GLDC: variants seen among roughly 807,000 people sequenced by gnomAD.
GLDC encodes glycine decarboxylase, also known as glycine dehydrogenase (decarboxylating), mitochondrial.
GLDC carries 104 observed loss-of-function variants against 121.3 expected under a neutral mutation model. That is an observed-to-expected ratio of 0.86 (90% CI 0.73 to 1.01). The LOEUF (loss-of-function observed/expected upper bound fraction) is 1.01. GLDC is among the 50% of genes least tolerant of loss of function. The pLI is 0.00. For synonymous variants in GLDC, 546 were observed against 480.6 expected (o/e 1.14, Z -1.78); for missense variants, 1,429 against 1,306.6 (o/e 1.09, Z -1.44).
intron 15 of GLDC, among the ~76,000 whole-genome samples, chr9:6,581,501 C>T (rs191843228): frequency 1.2e-3 from 184 of 152,342 alleles, no homozygotes; most frequent in African/African-American, 3.9e-3. Context: ...GGCATAGTGG[C>T]GTCTCTGACA....
At chr9:6,576,937 A>G (rs1184120870) in intron 15 of GLDC, among the ~76,000 whole-genome samples, 1 of 152,232 alleles carries the variant, frequency 6.6e-6, no homozygotes, top group Non-Finnish European at 1.5e-5. Flanking sequence ...GCCACATAAC[A>G]GAGCCTTAAA....
intron 3 of GLDC, among the ~76,000 whole-genome samples, chr9:6,612,860 T>G (rs2129926129): frequency 6.6e-6 from 1 of 151,500 alleles, no homozygotes; most frequent in South Asian, 2.1e-4. Flanking sequence ...AGACTCCATC[T>G]CAAAAAACAA....
At chr9:6,560,887 G>T (rs1817742380) in intron 16 of GLDC, among the ~76,000 whole-genome samples, 1 of 152,186 alleles carries the variant, frequency 6.6e-6, no homozygotes, top group South Asian at 2.1e-4. Flanking sequence ...TTTGGGCTGG[G>T]CCCTAAATAT....
At chr9:6,604,025 G>A (rs932484399) in intron 7 of GLDC, among the ~76,000 whole-genome samples, 15 of 151,892 alleles carry the variant, frequency 9.9e-5, no homozygotes, top group Non-Finnish European at 2.2e-4. Context: ...ACCGCACCCA[G>A]CCCTTTTTTT....
chr9:6,537,429 G>C (rs758427367), intron 22 of GLDC, among the ~76,000 whole-genome samples: 1 of 152,136 alleles, frequency 6.6e-6, no homozygotes, highest in Non-Finnish European at 1.5e-5. Context: ...TTATTACATG[G>C]AGTACTTTAA....
At chr9:6,551,641 G>GAAGA (rs1250160515) in intron 20 of GLDC, among the ~76,000 whole-genome samples, 1 of 152,184 alleles carries the variant, frequency 6.6e-6, no homozygotes, top group Non-Finnish European at 1.5e-5. Flanking sequence ...CATTGCTCCA[G>GAAGA]GCTGGTCAAA....
At chr9:6,607,255 A>G (rs115951680) in intron 4 of GLDC, among the ~76,000 whole-genome samples, 1,870 of 152,212 alleles carry the variant, frequency 0.012, 39 homozygotes, top group African/African-American at 0.041. Flanking sequence ...ACCATGAGGA[A>G]AAAGAAAATA....
intron 2 of GLDC, among the ~76,000 whole-genome samples, chr9:6,639,812 A>G (rs1587986627): frequency 1.3e-5 from 2 of 152,116 alleles, no homozygotes; most frequent in Middle Eastern, 3.4e-3. Flanking sequence ...AGAATAAACA[A>G]TCAAGGAAGC....
At chr9:6,588,801 T>C in intron 12 of GLDC, 99 bp from the exon 13 acceptor site, 1 of 806,190 alleles carries the variant, frequency 1.2e-6, no homozygotes, top group Non-Finnish European at 2.2e-6. Context: ...ACTTTCAAAA[T>C]GCAGATCAAT....
intron 15 of GLDC, among the ~76,000 whole-genome samples, chr9:6,579,305 A>C (rs1181697748): frequency 6.6e-6 from 1 of 152,054 alleles, no homozygotes; most frequent in Non-Finnish European, 1.5e-5. Context: ...TTGGTTATAC[A>C]ATTTTTTTTC....
chr9:6,553,824 C>A (rs909405638), intron 19 of GLDC, among the ~76,000 whole-genome samples: 3 of 152,110 alleles, frequency 2.0e-5, no homozygotes, highest in African/African-American at 7.2e-5. Flanking sequence ...TCCCTCACCC[C>A]TATACACTTT....
At position 6,553,625 on chromosome 9, in the gene GLDC, A is replaced by C. The variant is rs532092737; in HGVS notation, c.2316-116T>G. ...CTTAGCAGAGGAGCTCTGACAGTGG[A>C]AGGGACTCTCCACCTGCTGGGAGGC... is the stretch of plus-strand genomic sequence containing the variant. On this transcript the variant is annotated intron_variant, in intron 19 of 24. Transcript: ENST00000321612. 3.2e-6 allele frequency: 3 copies of C among 949,654 alleles called. No individual in the cohort carries two copies. In the Admixed American group the frequency reaches 5.5e-5, roughly 17 times the overall value. The allele number at this position is 949,654 out of a possible 1,614,324, so 58.8% of individuals were successfully genotyped here. A position where few individuals can be genotyped will look rare whatever the true frequency, so the allele number is the denominator to read the frequency against.
chr9:6,645,429 C>T lies in GLDC; in HGVS notation c.71G>A (p.Gly24Glu), dbSNP rs967983950. 1 of 1,301,592 alleles carries T rather than the reference C, an allele frequency of 7.7e-7. No homozygotes were observed. The highest frequency in any genetic ancestry group is 2.9e-4 in the Middle Eastern group (1 of 3,430). 80.6% of individuals were successfully genotyped at this position (1,301,592 alleles called of 1,614,324 possible). A position where few individuals can be genotyped will look rare whatever the true frequency, so the allele number is the denominator to read the frequency against. ...RGVGGGRRLA[G>E]GSGPCWAPRS... ...CGGCGCCCAGCACGGCCCCGATCCC[C>T]CAGCCAGGCGGCGGCCGCCCCCGAC... Residue 24 changes from glycine (G) to glutamate (E), a missense_variant, in exon 1 of 25, where the codon GGG becomes GAG. By Grantham distance (98) the Gly-to-Glu change is moderately conservative. Transcript: ENST00000321612.
chr9:6,622,159 G>GACACACACAC (rs60752054), intron 2 of GLDC, among the ~76,000 whole-genome samples: 216 of 145,412 alleles, frequency 1.5e-3, no homozygotes, highest in African/African-American at 4.2e-3. Flanking sequence ...CACACACACA[G>GACACACACAC]ACACACACAC....
chr9:6,539,587 A>T (rs1817211772), intron 22 of GLDC, among the ~76,000 whole-genome samples: 1 of 152,240 alleles, frequency 6.6e-6, no homozygotes. Flanking sequence ...ATGCACAGGT[A>T]AAGTGTCCGT....
intron 8 of GLDC, among the ~76,000 whole-genome samples, chr9:6,601,134 C>T (rs1403051001): frequency 1.3e-5 from 2 of 152,140 alleles, no homozygotes; most frequent in African/African-American, 4.8e-5. Context: ...GATTGCGCCA[C>T]TGCACTCCAG....
chr9:6,604,944 C>G (rs1818699466), intron 6 of GLDC, 160 bp from the exon 7 acceptor site: 2 of 872,730 alleles, frequency 2.3e-6, no homozygotes, highest in African/African-American at 1.7e-5. Flanking sequence ...ATACTGAGTG[C>G]CCACCATGTG....
At position 6,606,871 on chromosome 9, in the gene GLDC, G is replaced by A. The variant is rs567644322; in HGVS notation, c.636-202C>T. Among the ~76,000 whole-genome samples the A allele has an allele frequency of 2.2e-4, 33 of 151,084 alleles. No homozygotes were observed. In the East Asian group the frequency reaches 5.5e-3, roughly 25 times the overall value. ...GCAGATTACCTGAGGTCAGGAGTTC[G>A]AGACCAGCCTGGCCAACGTGATAAA... On this transcript the variant is annotated intron_variant, in intron 4 of 24. Transcript: ENST00000321612.
rs1817332840 is a variant in GLDC, at chr9:6,544,080, G to C, written c.2570-3934C>G. Among the ~76,000 whole-genome samples the C allele has an allele frequency of 2.0e-5, 3 of 152,316 alleles. No homozygotes were observed. The South Asian group carries it at 6.2e-4, about 32-fold the overall frequency. Reference sequence around the variant, plus strand: ...TTACTTATCCCCCATCCTCAAGGCGGCTGCTGAGGAATAAATGAACTCACT... The same window carrying C: ...TTACTTATCCCCCATCCTCAAGGCGCCTGCTGAGGAATAAATGAACTCACT... On this transcript the variant is annotated intron_variant, in intron 21 of 24. Transcript: ENST00000321612.
Sources: allele counts gnomAD v4.1 joint callset (sites outside exome capture counted in the v4.1 genomes callset), GRCh38; gene constraint gnomAD v4.1.1; transcripts MANE v1.5; gene names NCBI Gene and HGNC (gene_info 2026-07-23, HGNC 2026-07-21).